SLC4A4: variants seen among roughly 807,000 people sequenced by gnomAD.
The protein encoded by SLC4A4 is electrogenic sodium bicarbonate cotransporter 1.
Under a neutral mutation model 111.5 loss-of-function variants are expected in SLC4A4, and 27 were observed. The observed-to-expected ratio is 0.24, with a 90% confidence interval of 0.18 to 0.33. The LOEUF (loss-of-function observed/expected upper bound fraction) is 0.33. SLC4A4 is among the 10% of genes least tolerant of loss of function. SLC4A4 has a pLI of 1.00. For synonymous variants in SLC4A4, 443 were observed against 463.4 expected, an observed-to-expected ratio of 0.96 and a Z score of 0.57; for missense variants, 909 against 1,315.5, an observed-to-expected ratio of 0.69 and a Z score of 4.78.
At chr4:71,067,627 T>C (rs1004792073) in intron 1 of SLC4A4, among the ~76,000 whole-genome samples, 2 of 152,196 alleles carry the variant, frequency 1.3e-5, no homozygotes, top group African/African-American at 2.4e-5. Context: ...TGATTCTTAG[T>C]AGGGGAGAAA....
chr4:71,555,229 G>GT (rs747796379), intron 21 of SLC4A4, 21 bp downstream of exon 21: 11 of 1,478,736 alleles, frequency 7.4e-6, no homozygotes, highest in Non-Finnish European at 1.0e-5. Flanking sequence ...GAATAGCAAT[G>GT]TAAGTACAGT....
intron 1 of SLC4A4, among the ~76,000 whole-genome samples, chr4:71,231,256 C>T (rs1448857314): frequency 2.0e-5 from 3 of 152,130 alleles, no homozygotes; most frequent in South Asian, 2.1e-4. Context: ...CAGCTGCTTG[C>T]GCTGTGCGGA....
intron 7 of SLC4A4, among the ~76,000 whole-genome samples, chr4:71,419,329 G>C (rs1386609579): frequency 6.6e-6 from 1 of 152,226 alleles, no homozygotes; most frequent in African/African-American, 2.4e-5. Flanking sequence ...AGGCCTCCTT[G>C]AGCTGTGGTG....
At chr4:71,268,078 T>TTG (rs1302026464) in intron 3 of SLC4A4, among the ~76,000 whole-genome samples, 3 of 145,418 alleles carry the variant, frequency 2.1e-5, no homozygotes, top group South Asian at 2.2e-4. Context: ...AAGTAGTGTT[T>TTG]TTTTTTTTTT....
chr4:71,372,676 C>G (rs2148935591), intron 6 of SLC4A4, among the ~76,000 whole-genome samples: 1 of 152,322 alleles, frequency 6.6e-6, no homozygotes, highest in Non-Finnish European at 1.5e-5. Context: ...TCATCTTATG[C>G]ACATTCCTGG....
intron 3 of SLC4A4, among the ~76,000 whole-genome samples, chr4:71,338,522 TTTCTTC>T (rs1005341699): frequency 2.6e-5 from 4 of 151,774 alleles, no homozygotes; most frequent in Admixed American, 6.6e-5. Flanking sequence ...CTCTCTTTCT[TTTCTTC>T]TTCTTCTTCT....
chr4:71,450,327 T>C, intron 9 of SLC4A4, 62 bp from the exon 10 acceptor site: 1 of 1,148,204 alleles, frequency 8.7e-7, no homozygotes, highest in East Asian at 2.3e-5. Context: ...TCAGGCTTGA[T>C]ATGGTGTGAA....
intron 4 of SLC4A4, among the ~76,000 whole-genome samples, chr4:71,344,947 A>T (rs1451866253): frequency 6.6e-6 from 1 of 152,162 alleles, no homozygotes; most frequent in Non-Finnish European, 1.5e-5. Context: ...GTCCCCTTTT[A>T]AGTCATGGAA....
chr4:71,145,415 T>G (rs1410866446), intron 2 of SLC4A4, among the ~76,000 whole-genome samples: 10 of 152,312 alleles, frequency 6.6e-5, no homozygotes, highest in East Asian at 5.8e-4. Context: ...TCTCTTTTTT[T>G]GTTGTGTCTC....
chr4:71,474,382 C>T (rs368009557), intron 14 of SLC4A4, among the ~76,000 whole-genome samples: 13 of 151,888 alleles, frequency 8.6e-5, no homozygotes, highest in African/African-American at 2.7e-4. Flanking sequence ...TAATGTTTAC[C>T]GTAAAACAAA....
intron 1 of SLC4A4, among the ~76,000 whole-genome samples, chr4:71,221,895 A>T (rs1421106954): frequency 6.6e-6 from 1 of 152,184 alleles, no homozygotes; most frequent in Non-Finnish European, 1.5e-5. Flanking sequence ...GATTGGGTCA[A>T]GTTCTGACAT....
chr4:71,419,157 T>C (rs1722121969), intron 7 of SLC4A4, among the ~76,000 whole-genome samples: 1 of 152,170 alleles, frequency 6.6e-6, no homozygotes, highest in South Asian at 2.1e-4. Context: ...GGGACACACT[T>C]GAGGAGGCAG....
At chr4:71,421,319 C>A (rs1173850264) in intron 7 of SLC4A4, among the ~76,000 whole-genome samples, 1 of 152,124 alleles carries the variant, frequency 6.6e-6, no homozygotes, top group Non-Finnish European at 1.5e-5. Context: ...AATACAGGAG[C>A]ACCCAGATTC....
At chr4:71,452,556 G>A (rs1725863480) in intron 11 of SLC4A4, among the ~76,000 whole-genome samples, 1 of 152,138 alleles carries the variant, frequency 6.6e-6, no homozygotes, top group South Asian at 2.1e-4. Context: ...AAATGTAATA[G>A]CCAAGAGTGG....
intron 16 of SLC4A4, among the ~76,000 whole-genome samples, chr4:71,503,668 T>G (rs955143653): frequency 6.6e-6 from 1 of 152,188 alleles, no homozygotes; most frequent in African/African-American, 2.4e-5. Flanking sequence ...TTATGGCTTT[T>G]CTTGTTTTCG....
Position 71,089,491 on chromosome 4 carries a change from A to C in SLC4A4, c.-64-3239A>C, listed in dbSNP as rs371403061. The stretch of plus-strand genomic sequence containing the variant: ...AGGCGCTCTGATTTTTAGAGTTTCC[A>C]GTTTTTCTGCTCTGTTTTTTCCCCA... On this transcript the variant is annotated intron_variant, in intron 1 of 26. Coordinates refer to the SLC4A4 transcript ENST00000649996. Among the ~76,000 whole-genome samples the C allele has an allele frequency of 2.4e-3, 357 of 151,878 alleles. 11 individuals are homozygous for C. Among genetic ancestry groups the C allele is most frequent in the African/African-American group, 8.4e-3 (346 of 41,350 alleles).
At chr4:71,371,348 A>G (rs1189059039) in intron 6 of SLC4A4, among the ~76,000 whole-genome samples, 2 of 150,996 alleles carry the variant, frequency 1.3e-5, no homozygotes, top group African/African-American at 2.4e-5. Context: ...AGTTCAAGCA[A>G]TTCTCCTGCC....
chr4:71,471,274 A>T (rs986939089), intron 13 of SLC4A4, among the ~76,000 whole-genome samples: 2 of 151,936 alleles, frequency 1.3e-5, no homozygotes, highest in African/African-American at 4.8e-5. Flanking sequence ...AAAGAATTTG[A>T]ATTTTATTCT....
chr4:71,242,500 T>G (rs1361975116), intron 2 of SLC4A4, among the ~76,000 whole-genome samples: 1 of 152,116 alleles, frequency 6.6e-6, no homozygotes, highest in Non-Finnish European at 1.5e-5. Context: ...TGGGTTTTTC[T>G]CTTTGTAAAA....
Sources: gnomAD v4.1 joint callset for allele counts (sites outside exome capture counted in the v4.1 genomes callset) on GRCh38, gnomAD v4.1.1 for gene constraint, MANE v1.5 for transcripts, NCBI Gene and HGNC (gene_info 2026-07-23, HGNC 2026-07-21) for gene names.